Variants in PIF1 observed in about 807,000 individuals in gnomAD.
The protein encoded by PIF1 is ATP-dependent DNA helicase PIF1.
PIF1 carries 67 observed loss-of-function variants against 62.3 expected under a neutral mutation model. The ratio of observed to expected loss-of-function variants is 1.08; its 90% CI spans 0.88 to 1.32. The LOEUF (loss-of-function observed/expected upper bound fraction) is 1.32, where lower values mean the gene tolerates loss of function less well. Ranked by LOEUF, PIF1 falls within the 40% of genes most tolerant of loss-of-function variation. PIF1 has a pLI of 0.00. For missense variants in PIF1, 886 were observed against 866.1 expected (o/e 1.02, Z -0.29); for synonymous variants, 364 against 379.5 (o/e 0.96, Z 0.47).
At chr15:64,820,104 C>T in intron 7 of PIF1, 118 bp from the exon 8 acceptor site, 1 of 1,316,348 alleles carries the variant, frequency 7.6e-7, no homozygotes, top group Non-Finnish European at 1.0e-6. Context: ...GAAGAGGGCA[C>T]CAGGGAAGAG....
chr15:64,819,017 C>T (rs2084239478), intron 9 of PIF1, 100 bp downstream of exon 9: 4 of 794,026 alleles, frequency 5.0e-6, no homozygotes, highest in Admixed American at 3.8e-5. Context: ...CAAAGCTGGG[C>T]CCACTGGCTG....
chr15:64,824,973 A>T (rs1209661560), intron 1 of PIF1, among the ~76,000 whole-genome samples: 2 of 150,734 alleles, frequency 1.3e-5, no homozygotes, highest in East Asian at 1.9e-4. Flanking sequence ...ATATACACAC[A>T]ATATATATAC....
upstream of PIF1, among the ~76,000 whole-genome samples, chr15:64,826,671 C>CATAT (rs2084375177): frequency 1.4e-5 from 1 of 72,038 alleles, no homozygotes; most frequent in Non-Finnish European, 3.2e-5. Context: ...TATATACACA[C>CATAT]ACACACACAT....
chr15:64,822,074 T>C (rs2084297970), intron 4 of PIF1, 192 bp downstream of exon 4: 1 of 676,602 alleles, frequency 1.5e-6, no homozygotes, highest in African/African-American at 1.8e-5. Context: ...CAGGGTTTAC[T>C]GTGTTGGCCA....
chr15:64,817,567 A>T (rs1045354786), intron 11 of PIF1, among the ~76,000 whole-genome samples: 13 of 150,714 alleles, frequency 8.6e-5, no homozygotes, highest in South Asian at 2.1e-4. Context: ...AAAATAAAAT[A>T]AAAAAAGACA....
At chr15:64,819,278 A>T in intron 8 of PIF1, 55 bp from the exon 9 acceptor site, 2 of 1,194,702 alleles carry the variant, frequency 1.7e-6, no homozygotes, top group Non-Finnish European at 2.4e-6. Flanking sequence ...GTGACTCAGC[A>T]TCCCAAAAAA....
In PIF1 at chr15:64,823,958, C is replaced by A; in HGVS notation, c.378G>T (p.Ala126=). Residue 126 remains alanine (A), a synonymous_variant, in exon 2 of 13, where the codon GCG becomes GCT. Coordinates refer to ENST00000559239, the MANE Select transcript of PIF1 (RefSeq NM_001286496.2). Reference sequence around the variant, plus strand: ...CGGAGGCCGGCCCGGGACCCGGGGCCGCAGCCAGCTTGAGGCGCAATGTGC... The same window carrying A: ...CGGAGGCCGGCCCGGGACCCGGGGCAGCAGCCAGCTTGAGGCGCAATGTGC... The part of the protein sequence containing the change: ...FLRTLRLKLA[A]APGPGPASAR... The A allele has an allele frequency of 1.5e-6, 2 of 1,304,126 alleles. No individual in the cohort carries two copies. The highest frequency in any genetic ancestry group is 9.8e-7 in the Non-Finnish European group (1 of 1,024,570). 80.8% of individuals were successfully genotyped at this position (1,304,126 alleles called of 1,614,324 possible). A position where few individuals can be genotyped will look rare whatever the true frequency, so the allele number is the denominator to read the frequency against.
In PIF1 at chr15:64,816,012, T is replaced by G; in HGVS notation, c.*286A>C. ...CCAGCCCTTGCAGAGAGCTTTGTCC[T>G]CTGACATCAGCTACCACACAGGCTC... On this transcript the variant is annotated 3_prime_UTR_variant, in exon 13 of 13. Transcript: ENST00000559239. The G allele has an allele frequency of 1.3e-6, 2 of 1,488,508 alleles. No individual in the cohort carries two copies. The highest frequency in any genetic ancestry group is 2.7e-5 in the South Asian group (2 of 74,158). The allele number at this position is 1,488,508 out of a possible 1,614,324, so 92.2% of individuals were successfully genotyped here. A position where few individuals can be genotyped will look rare whatever the true frequency, so the allele number is the denominator to read the frequency against.
chr15:64,826,116 C>A (rs939259200), upstream of PIF1, among the ~76,000 whole-genome samples: 9 of 151,984 alleles, frequency 5.9e-5, no homozygotes, highest in African/African-American at 2.2e-4. Flanking sequence ...ATCCCTCCCC[C>A]GCCCCCAACT....
intron 11 of PIF1, among the ~76,000 whole-genome samples, chr15:64,817,534 T>G (rs923991652): frequency 2.0e-5 from 3 of 151,206 alleles, no homozygotes; most frequent in Admixed American, 1.3e-4. Flanking sequence ...AGCAAGACTC[T>G]GTCTCAAAAA....
rs565237510 is a variant in PIF1 at position 64,823,848 on chromosome 15, G to A, written c.488C>T (p.Ala163Val). 81 of 1,378,408 alleles carry A rather than the reference G, an allele frequency of 5.9e-5. No homozygotes were observed. In the African/African-American group the frequency reaches 1.1e-3, roughly 19 times the overall value. The allele number at this position is 1,378,408 out of a possible 1,614,324, so 85.4% of individuals were successfully genotyped here. ...CAGCGTAGTGTCCGGAACCCGGGTG[G>A]CCGCCCTGAGCCGCCGCTCCTCGGG... ...VQPEERRLRAATRVPDTTLVK... is the reference protein window; with the variant it reads ...VQPEERRLRAVTRVPDTTLVK... Residue 163 changes from alanine to valine, a missense_variant, in exon 2 of 13, where the codon GCC (alanine) becomes GTC (valine). Coordinates refer to ENST00000559239, the MANE Select transcript of PIF1 (RefSeq NM_001286496.2).
upstream of PIF1, among the ~76,000 whole-genome samples, chr15:64,826,669 C>CATATACATATACATAT (rs111251424): frequency 2.5e-4 from 19 of 75,826 alleles, no homozygotes; most frequent in African/African-American, 4.9e-4. Context: ...TATATATACA[C>CATATACATATACATAT]ACACACACAC....
At chr15:64,826,681 T>TAC (rs1567090380), upstream of PIF1, among the ~76,000 whole-genome samples, 4 of 73,174 alleles carry the variant, frequency 5.5e-5, no homozygotes, top group Non-Finnish European at 1.3e-4. Context: ...CACACACACA[T>TAC]ATATACACAC....
At chr15:64,826,659 TATATATACACACACACACAC>T (rs2084373097), upstream of PIF1, among the ~76,000 whole-genome samples, 1 of 39,958 alleles carries the variant, frequency 2.5e-5, no homozygotes, top group Admixed American at 2.4e-4. Flanking sequence ...TATATATATA[TATATATACACACACACACAC>T]ATATATACAC....
rs549633991 is a variant in PIF1 at position 64,822,246 on chromosome 15, C to T, written c.817+20G>A. On this transcript the variant is annotated intron_variant, in intron 4 of 12. Coordinates refer to ENST00000559239, the MANE Select transcript of PIF1 (RefSeq NM_001286496.2). ...AAGCTGGGCTTGCTCTTAGCTCAAG[C>T]CCTAGGGGTTCCTACTTACCTGCAA... The T allele has an allele frequency of 1.4e-5, 22 of 1,608,564 alleles. No homozygotes were observed. In the South Asian group the frequency reaches 2.3e-4, roughly 17 times the overall value.
chr15:64,822,305 C>T lies in PIF1; in HGVS notation c.778G>A (p.Ala260Thr). 1 of 1,526,328 alleles carries T rather than the reference C, an allele frequency of 6.6e-7. No individual in the cohort carries two copies. The highest frequency in any genetic ancestry group is 1.3e-5 in the South Asian group (1 of 76,838). 94.5% of individuals were successfully genotyped at this position (1,526,328 alleles called of 1,614,324 possible). Residue 260 changes from alanine to threonine, a missense_variant, in exon 4 of 13, where the codon GCC becomes ACC. Ala to Thr is a moderately conservative substitution (Grantham distance 58). Coordinates refer to ENST00000559239, the MANE Select transcript of PIF1 (RefSeq NM_001286496.2). ...AGGGTGGTGCCCCCGATGTGGCAGG[C>T]TGCCACCCCAGTGCTGGCAGTGGCC... is the stretch of plus-strand genomic sequence containing the variant. ...TVATASTGVA[A>T]CHIGGTTLHA...
intron 4 of PIF1, 38 bp downstream of exon 4, chr15:64,822,228 G>A (rs766641525): frequency 1.0e-5 from 16 of 1,588,402 alleles, no homozygotes; most frequent in Admixed American, 3.9e-5. Flanking sequence ...CAGAAGCTGG[G>A]CTTGCTCTTA....
At position 64,824,023 on chromosome 15, in the gene PIF1, G is replaced by C. The variant is rs1219182809; in HGVS notation, c.313C>G (p.Leu105Val). 1 of 1,289,726 alleles carries C rather than the reference G, an allele frequency of 7.8e-7. No individual in the cohort carries two copies. The highest frequency in any genetic ancestry group is 4.0e-5 in the Admixed American group (1 of 24,692). The allele number at this position is 1,289,726 out of a possible 1,614,324, so 79.9% of individuals were successfully genotyped here. Residue 105 changes from leucine to valine, a missense_variant, in exon 2 of 13, where the codon CTC becomes GTC. Coordinates refer to ENST00000559239, the MANE Select transcript of PIF1 (RefSeq NM_001286496.2). ...AGGCGGTCTGGGGGGCAGTCCGAGA[G>C]CAGCAGCTGCACTGCGCCGGCCCCG... ...TPGAGAVQLL[L>V]SDCPPDRLRR...
At position 64,818,346 on chromosome 15, in the gene PIF1, T is replaced by G. The variant is rs1467274047; in HGVS notation, c.1441-2A>C. ...CGATAAGTTTTTCACCAGCATCACC[T>G]GCAAGGGAGAGAGAGGAATGGACAG... On this transcript the variant is annotated splice_acceptor_variant, in intron 9 of 12. Transcript: ENST00000559239. LOFTEE classifies it high-confidence loss of function. 10 of 1,613,742 alleles carry G rather than the reference T, an allele frequency of 6.2e-6. No homozygotes were observed. In the East Asian group the frequency reaches 2.2e-4, roughly 36 times the overall value.
Sources: allele counts gnomAD v4.1 joint callset (sites outside exome capture counted in the v4.1 genomes callset), GRCh38; gene constraint gnomAD v4.1.1; transcripts MANE v1.5; gene names NCBI Gene and HGNC (gene_info 2026-07-23, HGNC 2026-07-21).